The following DAP3 variants were observed in gnomAD, a reference collection of about 807,000 sequenced individuals.
DAP3 encodes the protein small ribosomal subunit protein mS29.
Under a neutral mutation model 51.9 loss-of-function variants are expected in DAP3, and 28 were observed. That is an observed-to-expected ratio of 0.54 (90% CI 0.40 to 0.74). The LOEUF (loss-of-function observed/expected upper bound fraction) is 0.74, where lower values mean the gene tolerates loss of function less well. Among genes scored for constraint, DAP3 ranks in the 30% least tolerant of loss-of-function variants. The pLI is 0.00. For synonymous variants in DAP3, 170 were observed against 170.3 expected (o/e 1.00, Z 0.01); for missense variants, 458 against 483.5 (o/e 0.95, Z 0.49).
intron 6 of DAP3, among the ~76,000 whole-genome samples, chr1:155,726,643 C>G (rs973673739): frequency 3.3e-5 from 5 of 151,888 alleles, no homozygotes; most frequent in Admixed American, 6.6e-5. Context: ...AAGCCTTTGC[C>G]AGTCACGATG....
At chr1:155,715,498 G>A (rs926543974) in intron 2 of DAP3, among the ~76,000 whole-genome samples, 2 of 150,814 alleles carry the variant, frequency 1.3e-5, no homozygotes, top group African/African-American at 2.5e-5. Flanking sequence ...CTCCAGCCTG[G>A]GTGACAGAGC....
chr1:155,711,969 T>C lies in DAP3; in HGVS notation c.45+2145T>C, dbSNP rs370959523. On this transcript the variant is annotated intron_variant, in intron 2 of 12. Transcript: ENST00000368336. ...CCCAGCAAGTCGGCTCATCCTACCT[T>C]CTTCTGCCTGCTTTATTCTAGCTGC... 1.5e-3 allele frequency among the ~76,000 whole-genome samples: 234 copies of C among 151,210 alleles called. 2 individuals are homozygous for C. Among genetic ancestry groups the C allele is most frequent in the African/African-American group, 4.8e-3 (198 of 40,872 alleles).
chr1:155,716,610 A>G (rs1481174101), intron 2 of DAP3, among the ~76,000 whole-genome samples: 3 of 151,090 alleles, frequency 2.0e-5, no homozygotes, highest in Non-Finnish European at 4.4e-5. Flanking sequence ...TGACATCCCT[A>G]TTGCAGACAT....
At chr1:155,719,439 T>G (rs939821305) in intron 3 of DAP3, among the ~76,000 whole-genome samples, 35 of 151,908 alleles carry the variant, frequency 2.3e-4, no homozygotes, top group Admixed American at 2.2e-3. Flanking sequence ...TTTTACCATG[T>G]TGGCCAGGCT....
chr1:155,725,325 C>A (rs1658448883), intron 4 of DAP3, 57 bp from the exon 5 acceptor site: 4 of 1,473,964 alleles, frequency 2.7e-6, no homozygotes, highest in Admixed American at 1.7e-5. Context: ...ATATATACCA[C>A]CCCCCACCCA....
chr1:155,737,912 G>GA (rs1659972689), intron 12 of DAP3, among the ~76,000 whole-genome samples: 1 of 152,216 alleles, frequency 6.6e-6, no homozygotes, highest in African/African-American at 2.4e-5. Flanking sequence ...CTGAAGTCCA[G>GA]AAGACACTCT....
upstream of DAP3, chr1:155,688,778 C>T (rs1465993750): frequency 4.6e-6 from 7 of 1,537,326 alleles, no homozygotes; most frequent in Non-Finnish European, 6.1e-6. Context: ...ACCCTACACT[C>T]CTCGCGCGTG....
In DAP3 at chr1:155,738,252, A is replaced by C; in HGVS notation, c.*10A>C. On this transcript the variant is annotated 3_prime_UTR_variant, in exon 13 of 13. Coordinates refer to ENST00000368336, the MANE Select transcript of DAP3 (RefSeq NM_004632.4). Reference sequence around the variant, plus strand: ...CTGTGCCTACCTCTAAGCCAAGATCACAGCATGTGAGGAAGACAGTGGACA... The same window carrying C: ...CTGTGCCTACCTCTAAGCCAAGATCCCAGCATGTGAGGAAGACAGTGGACA... 6.2e-7 allele frequency: 1 copy of C among 1,614,130 alleles called. No homozygotes were observed.
chr1:155,688,652 C>G, upstream of DAP3: 1 of 1,534,140 alleles, frequency 6.5e-7, no homozygotes, highest in East Asian at 2.4e-5. Flanking sequence ...CAGGCCCTCA[C>G]GCGTACCTTC....
At chr1:155,692,195 GTCTT>G (rs961385285) in intron 1 of DAP3, among the ~76,000 whole-genome samples, 1 of 141,534 alleles carries the variant, frequency 7.1e-6, no homozygotes, top group Non-Finnish European at 1.5e-5. Context: ...TCAGAGGAGC[GTCTT>G]TCTTCTTGAG....
upstream of DAP3, chr1:155,688,118 G>T (rs756862707): frequency 2.5e-6 from 4 of 1,611,304 alleles, no homozygotes; most frequent in East Asian, 8.9e-5. Flanking sequence ...TGAGGAAGAG[G>T]GGGTGGCCGC....
chr1:155,729,509 G>GTGGCTCACGCCTGTAATCCCAT (rs1658973893), intron 9 of DAP3, 143 bp downstream of exon 9: 1 of 1,170,136 alleles, frequency 8.5e-7, no homozygotes, highest in African/African-American at 1.6e-5. Context: ...GCTGGGTGCA[G>GTGGCTCACGCCTGTAATCCCAT]TGGCTCACGC....
At chr1:155,692,715 G>C (rs796891962) in intron 1 of DAP3, among the ~76,000 whole-genome samples, 4 of 141,918 alleles carry the variant, frequency 2.8e-5, no homozygotes, top group East Asian at 3.9e-4. Context: ...CTTTTTCCCA[G>C]TGATGTTCAG....
intron 6 of DAP3, 164 bp from the exon 7 acceptor site, chr1:155,727,444 G>A (rs1208398540): frequency 3.2e-6 from 2 of 618,090 alleles, no homozygotes; most frequent in African/African-American, 4.0e-5. Context: ...CTTCTAGCCT[G>A]GGTGACAGAG....
At position 155,725,021 on chromosome 1, in the gene DAP3, T is replaced by C. The variant is rs910372243; in HGVS notation, c.271-361T>C. Among the ~76,000 whole-genome samples the C allele has an allele frequency of 1.1e-4, 16 of 152,278 alleles. No homozygotes were observed. The South Asian group carries it at 3.1e-3, about 30-fold the overall frequency. The stretch of plus-strand genomic sequence containing the variant: ...TTGAATTATTAACTTGTGTCAGAAA[T>C]TTTAAGCATTTTTCTATATGCTTTC... On this transcript the variant is annotated intron_variant, in intron 4 of 12. Transcript: ENST00000368336.
At chr1:155,697,048 C>G (rs963702952) in intron 1 of DAP3, among the ~76,000 whole-genome samples, 2 of 152,146 alleles carry the variant, frequency 1.3e-5, no homozygotes, top group Non-Finnish European at 2.9e-5. Context: ...CTGGGGAATT[C>G]CAAGGAGAGA....
chr1:155,736,770 A>G, intron 11 of DAP3, 176 bp from the exon 12 acceptor site: 1 of 629,096 alleles, frequency 1.6e-6, no homozygotes, highest in Non-Finnish European at 2.8e-6. Flanking sequence ...GTAGCCAGCC[A>G]CCATATGTGG....
At chr1:155,704,968 T>C (rs892919668) in intron 1 of DAP3, among the ~76,000 whole-genome samples, 1 of 151,422 alleles carries the variant, frequency 6.6e-6, no homozygotes, top group African/African-American at 2.4e-5. Flanking sequence ...GACAGAGCAA[T>C]ATTCCATCTC....
chr1:155,705,119 CTG>C (rs1655787928), intron 1 of DAP3, among the ~76,000 whole-genome samples: 1 of 148,676 alleles, frequency 6.7e-6, no homozygotes, highest in Non-Finnish European at 1.5e-5. Context: ...TAATGAGACT[CTG>C]TCTCTACAAA....
Sources: allele counts gnomAD v4.1 joint callset (sites outside exome capture counted in the v4.1 genomes callset), GRCh38; gene constraint gnomAD v4.1.1; transcripts MANE v1.5; gene names NCBI Gene and HGNC (gene_info 2026-07-23, HGNC 2026-07-21).